ATP9B: variants seen among roughly 807,000 people sequenced by gnomAD.
ATP9B encodes the protein ATPase phospholipid transporting 9B, also known as probable phospholipid-transporting ATPase IIB.
Under a neutral mutation model 146.1 loss-of-function variants are expected in ATP9B, and 110 were observed. The observed-to-expected ratio is 0.75, with a 90% CI of 0.65 to 0.88. The LOEUF is 0.88. Among genes scored for constraint, ATP9B ranks in the 40% least tolerant of loss-of-function variants. ATP9B has a pLI of 0.00. For missense variants in ATP9B, 1,499 were observed against 1,496.4 expected (o/e 1.00, Z -0.03); for synonymous variants, 604 against 569.7 (o/e 1.06, Z -0.86).
At position 79,298,238 on chromosome 18, in the gene ATP9B, A is replaced by G. The variant is rs2096566585; in HGVS notation, c.1412-5366A>G. Among the ~76,000 whole-genome samples, 2 of 147,036 alleles carry G rather than the reference A, an allele frequency of 1.4e-5. 1 individual carries two copies. Among genetic ancestry groups the G allele is most frequent in the Non-Finnish European group, 3.0e-5 (2 of 66,226 alleles). On this transcript the variant is annotated intron_variant, in intron 13 of 29. Transcript: ENST00000426216. ...AGAAAATCCAAGGAATGTACAAAAAATTCTGTGAGCCAGTGAGTTCAGCAG... is the reference window on the plus strand; with the variant it reads ...AGAAAATCCAAGGAATGTACAAAAAGTTCTGTGAGCCAGTGAGTTCAGCAG...
chr18:79,281,076 T>C (rs879509109), intron 13 of ATP9B, among the ~76,000 whole-genome samples: 9 of 151,926 alleles, frequency 5.9e-5, no homozygotes, highest in Non-Finnish European at 7.4e-5. Flanking sequence ...TCAAGGAAAA[T>C]ACAAGGAAAG....
intron 26 of ATP9B, chr18:79,362,410 G>C (rs2096995207): frequency 6.6e-6 from 1 of 152,042 alleles, no homozygotes. Flanking sequence ...AAAGAGTCAG[G>C]ATTTCCTTCG....
chr18:79,226,514 C>T (rs1259836624), intron 11 of ATP9B, among the ~76,000 whole-genome samples: 1 of 152,208 alleles, frequency 6.6e-6, no homozygotes, highest in African/African-American at 2.4e-5. Context: ...TTCTGGTGCC[C>T]TGCACAGGGT....
intron 8 of ATP9B, among the ~76,000 whole-genome samples, chr18:79,178,811 T>C (rs2095214597): frequency 6.6e-6 from 1 of 152,202 alleles, no homozygotes. Context: ...TCATGAAACA[T>C]ATGGATCTGT....
intron 2 of ATP9B, among the ~76,000 whole-genome samples, chr18:79,103,960 G>A (rs2075476285): frequency 2.0e-5 from 3 of 152,108 alleles, no homozygotes; most frequent in Non-Finnish European, 4.4e-5. Flanking sequence ...TCTTAAAGAA[G>A]ATGGGTGTTC....
At chr18:79,257,920 C>T (rs985881624) in intron 12 of ATP9B, among the ~76,000 whole-genome samples, 14 of 152,172 alleles carry the variant, frequency 9.2e-5, no homozygotes, top group Non-Finnish European at 1.5e-4. Flanking sequence ...GTATCTAGGG[C>T]ACCTCTGTCT....
At chr18:79,341,856 C>G (rs1482506839) in intron 19 of ATP9B, among the ~76,000 whole-genome samples, 1 of 152,240 alleles carries the variant, frequency 6.6e-6, no homozygotes, top group Non-Finnish European at 1.5e-5. Context: ...GCAGCCATCA[C>G]CACCACCCCT....
chr18:79,225,193 T>C (rs1034158772), intron 11 of ATP9B, among the ~76,000 whole-genome samples: 3 of 152,266 alleles, frequency 2.0e-5, no homozygotes, highest in African/African-American at 7.2e-5. Flanking sequence ...GATGGGATAT[T>C]CTGGATGCTA....
intron 13 of ATP9B, among the ~76,000 whole-genome samples, chr18:79,291,302 T>A (rs1907532607): frequency 1.3e-5 from 2 of 152,316 alleles, no homozygotes; most frequent in South Asian, 4.1e-4. Flanking sequence ...CATTCATTCC[T>A]CCCTTTTCCA....
At chr18:79,078,832 C>A (rs529994971) in intron 1 of ATP9B, among the ~76,000 whole-genome samples, 49 of 152,282 alleles carry the variant, frequency 3.2e-4, no homozygotes, top group African/African-American at 1.1e-3. Context: ...CCCCGACAGG[C>A]CCCGGTGTGT....
chr18:79,071,550 T>TA (rs1344835660), intron 1 of ATP9B, among the ~76,000 whole-genome samples: 2 of 151,770 alleles, frequency 1.3e-5, no homozygotes, highest in Non-Finnish European at 2.9e-5. Flanking sequence ...CCTGGCTAAT[T>TA]AAAAAAAATT....
intron 15 of ATP9B, among the ~76,000 whole-genome samples, chr18:79,327,540 TGCTCTCCGTGGTTAGC>T (rs1478585114): frequency 0.02 from 2,868 of 142,324 alleles, 70 homozygotes; most frequent in Non-Finnish European, 0.028. Context: ...GTGGTTAGCG[TGCTCTCCGTGGTTAGC>T]GTGCTCTCCG....
chr18:79,255,877 G>A (rs1402733266), intron 12 of ATP9B, among the ~76,000 whole-genome samples: 1 of 152,172 alleles, frequency 6.6e-6, no homozygotes, highest in Admixed American at 6.5e-5. Context: ...ACACTTCTGA[G>A]ATACTGCTTT....
intron 11 of ATP9B, among the ~76,000 whole-genome samples, chr18:79,246,726 C>G (rs1374232751): frequency 6.6e-6 from 1 of 152,224 alleles, no homozygotes; most frequent in South Asian, 2.1e-4. Flanking sequence ...CCCCGCGCTC[C>G]CCGCGCTCCC....
chr18:79,330,656 G>A (rs1235277706), intron 17 of ATP9B, among the ~76,000 whole-genome samples: 5 of 152,054 alleles, frequency 3.3e-5, no homozygotes, highest in South Asian at 2.1e-4. Context: ...CTCGTGATCC[G>A]CCCGTGTCGG....
chr18:79,310,517 C>T (rs1015634077), intron 15 of ATP9B, among the ~76,000 whole-genome samples: 1 of 152,202 alleles, frequency 6.6e-6, no homozygotes, highest in Non-Finnish European at 1.5e-5. Context: ...GCAGGAGTCT[C>T]TTGTCTAGGC....
At chr18:79,303,481 A>G in intron 13 of ATP9B, 123 bp from the exon 14 acceptor site, 1 of 657,826 alleles carries the variant, frequency 1.5e-6, no homozygotes, top group Non-Finnish European at 2.7e-6. Context: ...ACTTTGTATT[A>G]TACAGTTGGG....
At chr18:79,139,902 A>G (rs866691430) in intron 5 of ATP9B, among the ~76,000 whole-genome samples, 1 of 152,130 alleles carries the variant, frequency 6.6e-6, no homozygotes, top group Non-Finnish European at 1.5e-5. Flanking sequence ...TAAATTTTGG[A>G]TATGCATTTG....
chr18:79,193,285 A>G (rs748212796), intron 9 of ATP9B, 22 bp downstream of exon 9: 23 of 1,541,366 alleles, frequency 1.5e-5, no homozygotes, highest in African/African-American at 6.8e-5. Context: ...CTGTTGTTCA[A>G]TACAAATAGA....
Sources: gnomAD v4.1 joint callset for allele counts (sites outside exome capture counted in the v4.1 genomes callset) on GRCh38, gnomAD v4.1.1 for gene constraint, MANE v1.5 for transcripts, NCBI Gene and HGNC (gene_info 2026-07-23, HGNC 2026-07-21) for gene names.